Variants in BICDL1 observed in about 807,000 individuals in gnomAD.
The protein encoded by BICDL1 is BICD family like cargo adaptor 1.
In BICDL1, 20 loss-of-function variants were observed where a neutral mutation model predicts 76.8. The observed-to-expected ratio is 0.26, with a 90% CI of 0.18 to 0.38. BICDL1 has a LOEUF of 0.38. BICDL1 is among the 10% of genes least tolerant of loss of function. The pLI is 1.00. For synonymous variants in BICDL1, 383 were observed against 337.1 expected, an observed-to-expected ratio of 1.14 and a Z score of -1.49; for missense variants, 700 against 798.6, an observed-to-expected ratio of 0.88 and a Z score of 1.49.
intron 8 of BICDL1, among the ~76,000 whole-genome samples, chr12:120,084,871 CAG>C (rs1874273238): frequency 6.7e-6 from 1 of 149,804 alleles, no homozygotes; most frequent in Admixed American, 6.7e-5. Flanking sequence ...GCCTGGGCAA[CAG>C]AACGGGGACT....
At chr12:120,045,446 G>GCTGCTTT (rs1171383488) in intron 2 of BICDL1, among the ~76,000 whole-genome samples, 1 of 152,088 alleles carries the variant, frequency 6.6e-6, no homozygotes, top group African/African-American at 2.4e-5. Context: ...TATAAATCAT[G>GCTGCTTT]CTGCTTTAAA....
At chr12:119,990,382 C>T (rs547192772) in intron 1 of BICDL1, 85 bp downstream of exon 1, 1 of 1,509,340 alleles carries the variant, frequency 6.6e-7, no homozygotes, top group Non-Finnish European at 8.8e-7. Context: ...AACCACTCAC[C>T]CCCACTTCGT....
chr12:119,999,062 G>GGAAAAA (rs10659159), intron 2 of BICDL1, among the ~76,000 whole-genome samples: 2 of 95,254 alleles, frequency 2.1e-5, no homozygotes, highest in African/African-American at 3.9e-5. Flanking sequence ...GCCTGTCTCG[G>GGAAAAA]AAAAAAAAAA....
chr12:120,064,182 C>T (rs1025824935), intron 3 of BICDL1, among the ~76,000 whole-genome samples: 1 of 152,128 alleles, frequency 6.6e-6, no homozygotes, highest in Non-Finnish European at 1.5e-5. Context: ...TTTTCTGTAC[C>T]CTGGGAGCTC....
intron 2 of BICDL1, among the ~76,000 whole-genome samples, chr12:120,022,014 T>G (rs1366353956): frequency 6.8e-6 from 1 of 147,636 alleles, no homozygotes; most frequent in African/African-American, 2.5e-5. Flanking sequence ...AAATAATGAC[T>G]TTTACAAAAA....
intron 2 of BICDL1, among the ~76,000 whole-genome samples, chr12:120,056,866 G>A (rs1163390996): frequency 6.6e-6 from 1 of 152,248 alleles, no homozygotes; most frequent in East Asian, 1.9e-4. Context: ...TGGGCAGTGA[G>A]TGAGCAGTCT....
At chr12:120,067,447 G>A (rs990584214) in intron 4 of BICDL1, among the ~76,000 whole-genome samples, 5 of 152,236 alleles carry the variant, frequency 3.3e-5, no homozygotes, top group Admixed American at 6.5e-5. Context: ...AGCACTTGGT[G>A]TCATTCTTAT....
At chr12:119,996,943 C>CA (rs1025116160) in intron 1 of BICDL1, among the ~76,000 whole-genome samples, 2 of 148,518 alleles carry the variant, frequency 1.3e-5, no homozygotes, top group African/African-American at 5.1e-5. Context: ...ATCTCAGAAA[C>CA]AAAAAGATTT....
rs1951474842 is a variant in BICDL1, at chr12:119,989,845, C to T, written c.-24C>T. On this transcript the variant is annotated 5_prime_UTR_variant, in exon 1 of 10. Coordinates refer to ENST00000548673, the MANE Select transcript of BICDL1 (RefSeq NM_001367886.1). Reference sequence around the variant, plus strand: ...GGCGCGCGCGGGCCGGGCCGCACCGCTGCGGGCTCCGCGCGCGCGGGCCAT... The same window carrying T: ...GGCGCGCGCGGGCCGGGCCGCACCGTTGCGGGCTCCGCGCGCGCGGGCCAT... The T allele has an allele frequency of 2.3e-6, 3 of 1,312,716 alleles. No individual in the cohort carries two copies. Among genetic ancestry groups the T allele is most frequent in the East Asian group, 3.4e-5 (1 of 29,746 alleles). 81.3% of individuals were successfully genotyped at this position (1,312,716 alleles called of 1,614,324 possible).
chr12:120,022,498 A>G (rs1404964551), intron 2 of BICDL1, among the ~76,000 whole-genome samples: 4 of 147,968 alleles, frequency 2.7e-5, no homozygotes, highest in East Asian at 1.9e-4. Flanking sequence ...TTGTGTATAT[A>G]TATATATTAA....
intron 2 of BICDL1, among the ~76,000 whole-genome samples, chr12:120,054,938 A>G (rs1185271742): frequency 6.6e-6 from 1 of 152,218 alleles, no homozygotes; most frequent in African/African-American, 2.4e-5. Context: ...AAATTATAAC[A>G]GTAGGATTGT....
chr12:120,090,050 G>A lies in BICDL1; in HGVS notation c.1683G>A (p.Ser561=), dbSNP rs201141901. 1.3e-4 allele frequency: 203 copies of A among 1,614,062 alleles called. 1 individual carries two copies. The African/African-American group carries it at 2.4e-3, about 19-fold the overall frequency. Residue 561 remains serine, a synonymous_variant, in exon 9 of 10, where the codon TCG becomes TCA. Coordinates refer to ENST00000548673, the MANE Select transcript of BICDL1 (RefSeq NM_001367886.1). ...CCATTCAGCAGAAACTGAACCTCTCGCAGCAGCTGGAAGCTTGGCAGGTAA... is the reference window on the plus strand; with the variant it reads ...CCATTCAGCAGAAACTGAACCTCTCACAGCAGCTGGAAGCTTGGCAGGTAA... ...LDAIQQKLNL[S]QQLEAWQDDM...
chr12:120,023,114 C>G (rs1007151337), intron 2 of BICDL1, among the ~76,000 whole-genome samples: 1 of 152,186 alleles, frequency 6.6e-6, no homozygotes, highest in African/African-American at 2.4e-5. Flanking sequence ...AGCTCTGGAC[C>G]AGGGGTATCC....
intron 2 of BICDL1, among the ~76,000 whole-genome samples, chr12:120,022,218 G>A (rs1952198894): frequency 6.7e-6 from 1 of 149,826 alleles, no homozygotes; most frequent in Admixed American, 6.6e-5. Context: ...AGGAAAACTA[G>A]GTCTATTCAG....
chr12:120,057,375 C>G (rs1448171749), intron 2 of BICDL1, among the ~76,000 whole-genome samples: 1 of 152,162 alleles, frequency 6.6e-6, no homozygotes, highest in Non-Finnish European at 1.5e-5. Flanking sequence ...TTCAGAGAGA[C>G]TGCTGTTACC....
rs71454623 is a variant in BICDL1 at position 120,067,314 on chromosome 12, C to T, written c.909+2435C>T. On this transcript the variant is annotated intron_variant, in intron 4 of 9. Coordinates refer to ENST00000548673, the MANE Select transcript of BICDL1 (RefSeq NM_001367886.1). ...GCTCACTGTGGGGCAACCCAGGAAG[C>T]AGGTGACCTGGAGCCTAGACCTTGC... Among the ~76,000 whole-genome samples the T allele has an allele frequency of 5.2e-3, 795 of 152,350 alleles. 1 individual carries two copies. The highest frequency in any genetic ancestry group is 0.01 in the Middle Eastern group (3 of 294).
intron 2 of BICDL1, among the ~76,000 whole-genome samples, chr12:120,061,391 T>G (rs1333608195): frequency 6.6e-6 from 1 of 152,226 alleles, no homozygotes; most frequent in Non-Finnish European, 1.5e-5. Flanking sequence ...ACTTTCAATT[T>G]ATTAGATATT....
chr12:120,040,390 C>A (rs1305974295), intron 2 of BICDL1, among the ~76,000 whole-genome samples: 2 of 151,974 alleles, frequency 1.3e-5, no homozygotes, highest in Admixed American at 6.6e-5. Flanking sequence ...CCGAGCCCAG[C>A]CTTCTTTTTC....
intron 2 of BICDL1, among the ~76,000 whole-genome samples, chr12:120,001,003 G>A (rs555867134): frequency 6.6e-6 from 1 of 151,926 alleles, no homozygotes; most frequent in East Asian, 1.9e-4. Context: ...AAAGAACGTA[G>A]GAAGATAACA....
Sources: allele counts gnomAD v4.1 joint callset (sites outside exome capture counted in the v4.1 genomes callset), GRCh38; gene constraint gnomAD v4.1.1; transcripts MANE v1.5; gene names NCBI Gene and HGNC (gene_info 2026-07-23, HGNC 2026-07-21).